The following RARB variants were observed in gnomAD, a reference collection of about 807,000 sequenced individuals.
The protein encoded by RARB is retinoic acid receptor beta.
A neutral mutation model predicts 51.9 loss-of-function variants in RARB; 17 were observed. The ratio of observed to expected loss-of-function variants is 0.33; its 90% CI spans 0.22 to 0.49. The LOEUF is 0.49. Among genes scored for constraint, RARB ranks in the 20% least tolerant of loss-of-function variants. The pLI, the probability that RARB is intolerant of heterozygous loss-of-function variation, is 0.99. For synonymous variants in RARB, 215 were observed against 195.4 expected (o/e 1.10, Z -0.84); for missense variants, 369 against 550.8 (o/e 0.67, Z 3.30).
intron 2 of RARB, among the ~76,000 whole-genome samples, chr3:25,002,618 A>G (rs1697186350): frequency 6.6e-6 from 1 of 152,194 alleles, no homozygotes; most frequent in Non-Finnish European, 1.5e-5. Context: ...AAAGTCACTT[A>G]ATACATTGGC....
chr3:25,192,132 C>T (rs1248920622), intron 5 of RARB, among the ~76,000 whole-genome samples: 1 of 152,070 alleles, frequency 6.6e-6, no homozygotes, highest in Non-Finnish European at 1.5e-5. Context: ...AGTGTCTTTG[C>T]TTAATGATGT....
chr3:25,546,634 A>G (rs1293343341), intron 3 of RARB, among the ~76,000 whole-genome samples: 1 of 152,208 alleles, frequency 6.6e-6, no homozygotes, highest in Non-Finnish European at 1.5e-5. Context: ...ATGGAAAAAA[A>G]AAGAGTACCC....
At chr3:24,988,306 A>T (rs978873964) in intron 2 of RARB, among the ~76,000 whole-genome samples, 1 of 152,218 alleles carries the variant, frequency 6.6e-6, no homozygotes, top group Non-Finnish European at 1.5e-5. Flanking sequence ...ATGGATGTCT[A>T]TTTTTAAATC....
intron 3 of RARB, among the ~76,000 whole-genome samples, chr3:25,109,880 T>TGGATCC (rs1166607131): frequency 2.0e-5 from 3 of 152,230 alleles, no homozygotes; most frequent in African/African-American, 7.2e-5. Flanking sequence ...TTCAGAGGCC[T>TGGATCC]GGATCCCAGC....
intron 2 of RARB, among the ~76,000 whole-genome samples, chr3:25,017,969 A>G (rs1315871354): frequency 6.6e-6 from 1 of 152,174 alleles, no homozygotes; most frequent in African/African-American, 2.4e-5. Flanking sequence ...AAGGCTGTCT[A>G]TGAGAAAGCA....
chr3:25,070,539 C>G lies in RARB; in HGVS notation c.-328+10363C>G, dbSNP rs199779326. 1.8e-4 allele frequency among the ~76,000 whole-genome samples: 3 copies of G among 16,570 alleles called. No individual in the cohort carries two copies. In the South Asian group the frequency reaches 2.3e-3, roughly 13 times the overall value. 10.9% of individuals were successfully genotyped at this position (16,570 alleles called of 152,430 possible). A position where few individuals can be genotyped will look rare whatever the true frequency, so the allele number is the denominator to read the frequency against. On this transcript the variant is annotated intron_variant, in intron 3 of 11. Coordinates refer to the RARB transcript ENST00000383772. Reference sequence around the variant, plus strand: ...GAAATAATCAAAATAAGACCCCCCACCCATTGTTTACAGAAATAGAAAATT... The same window carrying G: ...GAAATAATCAAAATAAGACCCCCCAGCCATTGTTTACAGAAATAGAAAATT...
At chr3:25,329,693 C>T (rs771735105) in intron 5 of RARB, among the ~76,000 whole-genome samples, 5 of 152,076 alleles carry the variant, frequency 3.3e-5, no homozygotes, top group African/African-American at 9.7e-5. Context: ...AGACTTCAGA[C>T]GATCAGTAAT....
intron 2 of RARB, among the ~76,000 whole-genome samples, chr3:24,911,374 A>G (rs1382786007): frequency 6.6e-6 from 1 of 152,238 alleles, no homozygotes; most frequent in Non-Finnish European, 1.5e-5. Flanking sequence ...AATGAATGGT[A>G]CAAACTTTTA....
chr3:25,354,544 A>G (rs1257255205), intron 5 of RARB, among the ~76,000 whole-genome samples: 2 of 152,156 alleles, frequency 1.3e-5, no homozygotes, highest in Admixed American at 6.6e-5. Context: ...ATACCTTCCC[A>G]TGGTACAAGC....
chr3:25,174,613 T>G (rs2125353374), intron 5 of RARB: 1 of 1,346,284 alleles, frequency 7.4e-7, no homozygotes, highest in African/African-American at 1.5e-5. Context: ...TTCTCTGGGT[T>G]GATTGGATGA....
At chr3:25,290,789 A>G (rs1393431817) in intron 5 of RARB, among the ~76,000 whole-genome samples, 1 of 152,172 alleles carries the variant, frequency 6.6e-6, no homozygotes, top group Non-Finnish European at 1.5e-5. Context: ...GGATGCACTT[A>G]GCGCTCTGCT....
intron 3 of RARB, among the ~76,000 whole-genome samples, chr3:25,094,720 A>AAAC (rs1270919680): frequency 1.4e-5 from 2 of 144,514 alleles, no homozygotes; most frequent in African/African-American, 5.1e-5. Flanking sequence ...CCATCTCAAA[A>AAAC]AAAAAAAAAA....
At chr3:25,091,278 A>G (rs1699194552) in intron 3 of RARB, among the ~76,000 whole-genome samples, 1 of 152,156 alleles carries the variant, frequency 6.6e-6, no homozygotes, top group South Asian at 2.1e-4. Context: ...TGAGGTTCGA[A>G]GATACACATC....
chr3:25,003,778 C>A, intron 2 of RARB, among the ~76,000 whole-genome samples: 1 of 152,026 alleles, frequency 6.6e-6, no homozygotes, highest in East Asian at 1.9e-4. Context: ...GTGATATGAA[C>A]AGATATACAG....
At position 25,214,474 on chromosome 3, in the gene RARB, T is replaced by C. The variant is rs1701772106; in HGVS notation, c.178+39899T>C. Among the ~76,000 whole-genome samples, 3 of 152,174 alleles carry C rather than the reference T, an allele frequency of 2.0e-5. No homozygotes were observed. The South Asian group carries it at 6.2e-4, about 32-fold the overall frequency. On this transcript the variant is annotated intron_variant, in intron 5 of 11. Coordinates refer to the RARB transcript ENST00000383772. Reference sequence around the variant, plus strand: ...GTAGCTTTTAAAAATAAATTTAAAATAACATATCAGTAAGTATGTATGTAA... The same window carrying C: ...GTAGCTTTTAAAAATAAATTTAAAACAACATATCAGTAAGTATGTATGTAA...
intron 1 of RARB, among the ~76,000 whole-genome samples, chr3:25,446,897 G>A (rs188520217): frequency 1.1e-4 from 16 of 150,646 alleles, no homozygotes; most frequent in Non-Finnish European, 1.5e-5. Flanking sequence ...TACTAATCTT[G>A]CGTGTGGATT....
intron 1 of RARB, among the ~76,000 whole-genome samples, chr3:24,840,879 AG>A: frequency 6.6e-6 from 1 of 151,916 alleles, no homozygotes; most frequent in Non-Finnish European, 1.5e-5. Flanking sequence ...TACTAGATGT[AG>A]GGGCTAAAAA....
Position 25,477,179 on chromosome 3 carries a change from T to C in RARB, c.306+15838T>C, listed in dbSNP as rs146846512. Among the ~76,000 whole-genome samples the C allele has an allele frequency of 9.5e-4, 144 of 152,330 alleles. 1 individual carries two copies. In the East Asian group the frequency reaches 0.026, roughly 28 times the overall value. On this transcript the variant is annotated intron_variant, in intron 2 of 7. Transcript: ENST00000330688. ...AATGAAAATGTCAATAGGCATCCTT[T>C]ATTCATTTCATTTTTAGTTCTAGGA...
intron 3 of RARB, among the ~76,000 whole-genome samples, chr3:25,122,587 C>T (rs530763089): frequency 1.3e-5 from 2 of 152,176 alleles, no homozygotes; most frequent in South Asian, 4.1e-4. Context: ...ATGAGGGGGA[C>T]AAGTTAGCTC....
Sources: gnomAD v4.1 joint callset for allele counts (sites outside exome capture counted in the v4.1 genomes callset) on GRCh38, gnomAD v4.1.1 for gene constraint, MANE v1.5 for transcripts, NCBI Gene and HGNC (gene_info 2026-07-23, HGNC 2026-07-21) for gene names.